Variants in RAPGEF2 observed in about 807,000 individuals in gnomAD.
RAPGEF2 encodes the protein Rap guanine nucleotide exchange factor 2.
RAPGEF2 carries 54 observed loss-of-function variants against 186.7 expected under a neutral mutation model. The observed-to-expected ratio is 0.29, with a 90% CI of 0.23 to 0.36. The LOEUF is 0.36. Ranked by LOEUF, RAPGEF2 falls within the 10% of genes least tolerant of loss-of-function variation. The probability of loss-of-function intolerance (pLI) is 1.00; values close to 1 mark genes in which losing one functional copy is unlikely to be tolerated. For missense variants in RAPGEF2, 1,532 were observed against 2,045.0 expected, an observed-to-expected ratio of 0.75 and a Z score of 4.84; for synonymous variants, 712 against 705.9, an observed-to-expected ratio of 1.01 and a Z score of -0.14.
intron 1 of RAPGEF2, among the ~76,000 whole-genome samples, chr4:159,140,452 C>T (rs1436125300): frequency 6.6e-6 from 1 of 152,114 alleles, no homozygotes; most frequent in East Asian, 1.9e-4. Context: ...AATGATATTA[C>T]TGTTTCTTAA....
intron 1 of RAPGEF2, among the ~76,000 whole-genome samples, chr4:159,106,507 ATGTT>A (rs1237150187): frequency 1.6e-4 from 25 of 152,344 alleles, no homozygotes; most frequent in African/African-American, 5.8e-4. Context: ...TGTCTTATAA[ATGTT>A]TGTGAGTTCG....
chr4:159,289,155 G>T (rs1760877053), intron 7 of RAPGEF2, among the ~76,000 whole-genome samples: 1 of 152,108 alleles, frequency 6.6e-6, no homozygotes, highest in African/African-American at 2.4e-5. Flanking sequence ...CAGGGATTTT[G>T]CTAATCCTAG....
intron 15 of RAPGEF2, 26 bp from the exon 16 acceptor site, chr4:159,331,900 G>A: frequency 1.3e-6 from 2 of 1,586,230 alleles, no homozygotes; most frequent in Non-Finnish European, 1.7e-6. Flanking sequence ...AGTCAATTTT[G>A]ATACATTTTA....
Position 159,352,751 on chromosome 4 carries a change from C to T in RAPGEF2, c.3932C>T (p.Ser1311Leu). The change falls in exon 27 of 30, where the codon TCA becomes TTA. Residue 1311 changes from serine (S) to leucine (L), a missense_variant. This residue lies in a region of RAPGEF2 where 594 missense variants were observed against 608.5 expected (regional missense o/e 0.98). Coordinates refer to ENST00000691494, the MANE Select transcript of RAPGEF2 (RefSeq NM_001394067.2). ...GATTCTGGTCACAGTGAAATTTCTT[C>T]ACGATCCAGTATTGTTAGCAATTCG... ...FSDSGHSEISSRSSIVSNSSF... is the reference protein window; with the variant it reads ...FSDSGHSEISLRSSIVSNSSF... 3 of 1,614,204 alleles carry T rather than the reference C, an allele frequency of 1.9e-6. No homozygotes were observed. Among genetic ancestry groups the T allele is most frequent in the Non-Finnish European group, 2.5e-6 (3 of 1,180,032 alleles).
At chr4:159,204,616 C>T (rs1346922268) in intron 3 of RAPGEF2, among the ~76,000 whole-genome samples, 3 of 152,136 alleles carry the variant, frequency 2.0e-5, no homozygotes, top group African/African-American at 7.2e-5. Context: ...TTTGTTTGGC[C>T]TCGTTAATTT....
intron 7 of RAPGEF2, among the ~76,000 whole-genome samples, chr4:159,295,768 C>CGT (rs1561230842): frequency 7.8e-4 from 117 of 149,366 alleles, no homozygotes; most frequent in Middle Eastern, 3.4e-3. Flanking sequence ...CGCGCGCGCG[C>CGT]GCGCGCATGC....
intron 3 of RAPGEF2, among the ~76,000 whole-genome samples, chr4:159,195,483 A>G (rs971423785): frequency 4.6e-5 from 7 of 152,170 alleles, no homozygotes; most frequent in Admixed American, 4.6e-4. Context: ...AGTGATTTAT[A>G]TGCATTCATT....
chr4:159,114,748 A>G (rs925511549), intron 1 of RAPGEF2, among the ~76,000 whole-genome samples: 1 of 152,204 alleles, frequency 6.6e-6, no homozygotes, highest in African/African-American at 2.4e-5. Context: ...AGTCAATCCC[A>G]ATGAAATTTA....
chr4:159,333,414 G>A (rs1431418606), intron 17 of RAPGEF2, among the ~76,000 whole-genome samples: 1 of 151,910 alleles, frequency 6.6e-6, no homozygotes, highest in East Asian at 1.9e-4. Context: ...TCAAATCATT[G>A]CTTTATCCAG....
At chr4:159,261,478 C>T (rs1756872684) in intron 7 of RAPGEF2, among the ~76,000 whole-genome samples, 1 of 152,186 alleles carries the variant, frequency 6.6e-6, no homozygotes, top group Admixed American at 6.5e-5. Context: ...TCTGCCTCTC[C>T]ATAATTTTAG....
At position 159,353,751 on chromosome 4, in the gene RAPGEF2, A is replaced by T. The variant is rs369356563; in HGVS notation, c.4356A>T (p.Ser1452=). ...GGGATCCTGCAGGTTTATGGGCATCAAGCAGCCATATGGACCAAATTATGT... is the reference window on the plus strand; with the variant it reads ...GGGATCCTGCAGGTTTATGGGCATCTAGCAGCCATATGGACCAAATTATGT... ...YSGDPAGLWA[S]SSHMDQIMFS... Residue 1452 remains serine (S), a synonymous_variant, in exon 28 of 30, where the codon TCA becomes TCT. Transcript: ENST00000691494. This position sits in a 1 kb window ranked among gnomAD's most constrained non-coding sequence, Gnocchi z 4.3. 6.2e-7 allele frequency: 1 copy of T among 1,613,400 alleles called. No individual in the cohort carries two copies. The highest frequency in any genetic ancestry group is 8.5e-7 in the Non-Finnish European group (1 of 1,179,720).
chr4:159,231,918 C>G (rs1752686080), intron 4 of RAPGEF2, among the ~76,000 whole-genome samples: 1 of 152,182 alleles, frequency 6.6e-6, no homozygotes, highest in African/African-American at 2.4e-5. Flanking sequence ...ATGTCTATCA[C>G]TTCATTGTTA....
At chr4:159,192,363 T>A (rs902401418) in intron 2 of RAPGEF2, among the ~76,000 whole-genome samples, 1 of 152,162 alleles carries the variant, frequency 6.6e-6, no homozygotes, top group African/African-American at 2.4e-5. Context: ...GAAAGAAAGA[T>A]GGATGTGGGG....
intron 1 of RAPGEF2, among the ~76,000 whole-genome samples, chr4:159,137,726 A>AAC (rs397710753): frequency 4.6e-5 from 7 of 150,714 alleles, no homozygotes; most frequent in Admixed American, 1.3e-4. Flanking sequence ...AAAAAAAAAA[A>AAC]CCTGCAAAGA....
intron 4 of RAPGEF2, among the ~76,000 whole-genome samples, chr4:159,231,299 A>G (rs750496267): frequency 5.9e-5 from 9 of 152,174 alleles, no homozygotes; most frequent in South Asian, 4.1e-4. Flanking sequence ...ATCGCCAAAC[A>G]ACATATTTCC....
At chr4:159,230,758 C>T (rs867177663) in intron 4 of RAPGEF2, among the ~76,000 whole-genome samples, 1 of 152,142 alleles carries the variant, frequency 6.6e-6, no homozygotes, top group Non-Finnish European at 1.5e-5. Context: ...TGAGCCTGGT[C>T]ATTGAGAATT....
chr4:159,116,561 A>G (rs932683099), intron 1 of RAPGEF2, among the ~76,000 whole-genome samples: 3 of 152,244 alleles, frequency 2.0e-5, no homozygotes, highest in African/African-American at 4.8e-5. Flanking sequence ...ATTACTGGGT[A>G]TATACCCAAA....
chr4:159,249,425 CTT>C (rs1009172680), intron 7 of RAPGEF2, among the ~76,000 whole-genome samples: 2 of 151,466 alleles, frequency 1.3e-5, no homozygotes, highest in Non-Finnish European at 2.9e-5. Context: ...GAAATACTCT[CTT>C]TTGGTTTTGA....
chr4:159,252,749 C>T (rs1365166895), intron 7 of RAPGEF2, among the ~76,000 whole-genome samples: 2 of 152,158 alleles, frequency 1.3e-5, no homozygotes, highest in Non-Finnish European at 2.9e-5. Context: ...CTAAGAGAGG[C>T]CGATTGTTTT....
Sources: gnomAD v4.1 joint callset for allele counts (sites outside exome capture counted in the v4.1 genomes callset) on GRCh38, gnomAD v4.1.1 for gene constraint, gnomAD v4.1.1 regional missense constraint, Gnocchi (gnomAD v3.1) non-coding constraint, MANE v1.5 for transcripts, NCBI Gene and HGNC (gene_info 2026-07-23, HGNC 2026-07-21) for gene names.